Variants in CSMD3 observed in about 807,000 individuals in gnomAD.
The protein encoded by CSMD3 is CUB and Sushi multiple domains 3, also known as CUB and sushi domain-containing protein 3.
Under a neutral mutation model 435.2 loss-of-function variants are expected in CSMD3, and 177 were observed. That is an observed-to-expected ratio of 0.41 (90% CI 0.36 to 0.46). The LOEUF is 0.46. Ranked by LOEUF, CSMD3 falls within the 20% of genes least tolerant of loss-of-function variation. The probability of loss-of-function intolerance (pLI) is 0.34; values close to 1 mark genes in which losing one functional copy is unlikely to be tolerated. For synonymous variants in CSMD3, 1,656 were observed against 1,520.5 expected (o/e 1.09, Z -2.07); for missense variants, 4,265 against 4,504.6 (o/e 0.95, Z 1.52).
At chr8:112,677,651 G>A (rs2075797476) in intron 16 of CSMD3, among the ~76,000 whole-genome samples, 1 of 151,782 alleles carries the variant, frequency 6.6e-6, no homozygotes, top group Non-Finnish European at 1.5e-5. Flanking sequence ...AATTTGAAAT[G>A]ATCATTTGGG....
intron 13 of CSMD3, among the ~76,000 whole-genome samples, chr8:112,752,593 T>C (rs1420550969): frequency 2.6e-5 from 4 of 152,182 alleles, no homozygotes; most frequent in Non-Finnish European, 5.9e-5. Flanking sequence ...TATCCAAATT[T>C]ATTGAAACCT....
At chr8:112,286,361 T>C (rs1367766160) in intron 58 of CSMD3, among the ~76,000 whole-genome samples, 1 of 152,096 alleles carries the variant, frequency 6.6e-6, no homozygotes, top group African/African-American at 2.4e-5. Context: ...AGCCAATCCA[T>C]ATATTTTAAG....
intron 4 of CSMD3, among the ~76,000 whole-genome samples, chr8:113,122,188 T>G (rs1302644502): frequency 1.3e-5 from 2 of 152,186 alleles, no homozygotes; most frequent in Non-Finnish European, 2.9e-5. Context: ...TGATTGAGCA[T>G]ATATGCTATG....
chr8:113,221,992 C>T (rs569024139), intron 3 of CSMD3, among the ~76,000 whole-genome samples: 120 of 149,334 alleles, frequency 8.0e-4, no homozygotes, highest in Non-Finnish European at 1.1e-3. Flanking sequence ...ACACTCAATG[C>T]GCATTTGTTG....
At chr8:112,610,659 T>G (rs950821600) in intron 22 of CSMD3, among the ~76,000 whole-genome samples, 1 of 152,194 alleles carries the variant, frequency 6.6e-6, no homozygotes, top group Non-Finnish European at 1.5e-5. Flanking sequence ...ATAAAGCAGG[T>G]CTTTTTTCCT....
intron 1 of CSMD3, among the ~76,000 whole-genome samples, chr8:113,436,365 A>G (rs1190944348): frequency 6.6e-6 from 1 of 152,222 alleles, no homozygotes; most frequent in Non-Finnish European, 1.5e-5. Flanking sequence ...CTCACCACTA[A>G]GAAAAGTCTT....
chr8:113,429,126 A>G (rs1223543364), intron 1 of CSMD3, among the ~76,000 whole-genome samples: 1 of 151,842 alleles, frequency 6.6e-6, no homozygotes, highest in Non-Finnish European at 1.5e-5. Flanking sequence ...ATATCATAAA[A>G]TGACTTTAAA....
At chr8:112,318,466 T>C (rs1001505975) in intron 47 of CSMD3, among the ~76,000 whole-genome samples, 3 of 152,054 alleles carry the variant, frequency 2.0e-5, no homozygotes, top group Non-Finnish European at 2.9e-5. Context: ...CAAAGTTTAA[T>C]GAGTCTAGTG....
At chr8:112,484,493 C>CCACACACA (rs35198612) in intron 31 of CSMD3, among the ~76,000 whole-genome samples, 1 of 147,186 alleles carries the variant, frequency 6.8e-6, no homozygotes, top group East Asian at 2.0e-4. Context: ...TTCAACACAC[C>CCACACACA]CACACACACA....
chr8:112,638,585 T>A, intron 21 of CSMD3, 111 bp downstream of exon 21: 1 of 715,340 alleles, frequency 1.4e-6, no homozygotes, highest in Non-Finnish European at 2.4e-6. Context: ...TTTTAAAATT[T>A]TTCTTCTCTC....
chr8:112,729,658 AG>A (rs1249264299), intron 13 of CSMD3, among the ~76,000 whole-genome samples: 1 of 152,074 alleles, frequency 6.6e-6, no homozygotes, highest in Non-Finnish European at 1.5e-5. Context: ...CAAAAGAGAG[AG>A]GAAAAAATAA....
At chr8:113,197,267 G>A (rs1215651684) in intron 3 of CSMD3, among the ~76,000 whole-genome samples, 1 of 150,738 alleles carries the variant, frequency 6.6e-6, no homozygotes, top group Non-Finnish European at 1.5e-5. Flanking sequence ...CAAAATTATT[G>A]AAAATACTGT....
intron 22 of CSMD3, among the ~76,000 whole-genome samples, chr8:112,624,601 A>G (rs1197129949): frequency 6.6e-6 from 1 of 152,108 alleles, no homozygotes; most frequent in East Asian, 1.9e-4. Context: ...TATGGAAACT[A>G]GAAAGATTAG....
At chr8:113,182,989 G>T (rs1421967807) in intron 3 of CSMD3, among the ~76,000 whole-genome samples, 1 of 151,958 alleles carries the variant, frequency 6.6e-6, no homozygotes, top group African/African-American at 2.4e-5. Context: ...AACCCCATGT[G>T]GGTAGGCAAA....
At chr8:113,408,619 C>T (rs1451789106) in intron 1 of CSMD3, among the ~76,000 whole-genome samples, 5 of 149,758 alleles carry the variant, frequency 3.3e-5, no homozygotes, top group Non-Finnish European at 5.9e-5. Context: ...GAAGCATGCG[C>T]ACAGTTACAA....
At chr8:112,421,106 C>CA (rs970932047) in intron 32 of CSMD3, among the ~76,000 whole-genome samples, 1 of 150,818 alleles carries the variant, frequency 6.6e-6, no homozygotes, top group African/African-American at 2.4e-5. Flanking sequence ...CTTAACTTTG[C>CA]AAAAAAAATC....
At position 112,539,791 on chromosome 8, in the gene CSMD3, G is replaced by A. The variant is rs142058090; in HGVS notation, c.4564+10880C>T. Among the ~76,000 whole-genome samples, 11 of 152,134 alleles carry A rather than the reference G, an allele frequency of 7.2e-5. No homozygotes were observed. In the East Asian group the frequency reaches 1.4e-3, roughly 19 times the overall value. On this transcript the variant is annotated intron_variant, in intron 27 of 70. Transcript: ENST00000297405. ...ACCTAAATGTAAGTCCTTAATCTAT[G>A]AAACTACCAGAAGAAAACATTGGGA...
intron 58 of CSMD3, among the ~76,000 whole-genome samples, chr8:112,286,854 T>C (rs1819256084): frequency 6.6e-6 from 1 of 152,152 alleles, no homozygotes; most frequent in Non-Finnish European, 1.5e-5. Flanking sequence ...AATGTTTGCA[T>C]ATATATGACC....
At chr8:113,256,417 C>T (rs1053081284) in intron 3 of CSMD3, among the ~76,000 whole-genome samples, 3 of 152,118 alleles carry the variant, frequency 2.0e-5, no homozygotes, top group African/African-American at 7.2e-5. Context: ...GACCTAATGG[C>T]CACTGCCAAA....
Sources: gnomAD v4.1 joint callset for allele counts (sites outside exome capture counted in the v4.1 genomes callset) on GRCh38, gnomAD v4.1.1 for gene constraint, MANE v1.5 for transcripts, NCBI Gene and HGNC (gene_info 2026-07-23, HGNC 2026-07-21) for gene names.